Variants in BNC2 observed in about 807,000 individuals in gnomAD.
BNC2 encodes the protein zinc finger protein basonuclin-2.
A neutral mutation model predicts 76.3 loss-of-function variants in BNC2; 20 were observed. That is an observed-to-expected ratio of 0.26 (90% CI 0.18 to 0.38). The LOEUF (loss-of-function observed/expected upper bound fraction) is 0.38. Among genes scored for constraint, BNC2 ranks in the 10% least tolerant of loss-of-function variants. BNC2 has a pLI of 1.00. For synonymous variants in BNC2, 582 were observed against 514.8 expected (o/e 1.13, Z -1.77); for missense variants, 1,382 against 1,399.8 (o/e 0.99, Z 0.20).
chr9:16,682,248 T>C (rs190138120), intron 3 of BNC2, among the ~76,000 whole-genome samples: 19 of 131,374 alleles, frequency 1.4e-4, no homozygotes, highest in African/African-American at 5.9e-4. Flanking sequence ...AGTAGGTTTA[T>C]CATGTAATAA....
chr9:16,767,097 A>G (rs1373354439), intron 1 of BNC2, among the ~76,000 whole-genome samples: 1 of 152,240 alleles, frequency 6.6e-6, no homozygotes, highest in Non-Finnish European at 1.5e-5. Context: ...TTCATTCCCA[A>G]AGGAGAATCT....
At position 16,583,064 on chromosome 9, in the gene BNC2, T is replaced by C; in HGVS notation, c.352A>G (p.Asn118Asp). 1 of 1,614,044 alleles carries C rather than the reference T, an allele frequency of 6.2e-7. No homozygotes were observed. Among genetic ancestry groups the C allele is most frequent in the Non-Finnish European group, 8.5e-7 (1 of 1,179,992 alleles). ...SQQAIRCTLV[N>D]CTCECFQPGK... is the part of the protein sequence containing the mutation. Reference sequence around the variant, plus strand: ...GGCTGAAAACATTCACATGTGCAGTTTACCAGTGTGCAACGGATGGCCTGA... The same window carrying C: ...GGCTGAAAACATTCACATGTGCAGTCTACCAGTGTGCAACGGATGGCCTGA... Residue 118 changes from asparagine to aspartate, a missense_variant, in exon 4 of 7, where the codon AAC becomes GAC. Around this residue, in one of 3 missense-constraint regions of BNC2, gnomAD observed 557 missense variants for 540.9 expected, o/e 1.03. Coordinates refer to ENST00000380672, the MANE Select transcript of BNC2 (RefSeq NM_017637.6).
At chr9:16,829,350 T>C (rs1356192139) in intron 1 of BNC2, among the ~76,000 whole-genome samples, 2 of 152,212 alleles carry the variant, frequency 1.3e-5, no homozygotes, top group African/African-American at 4.8e-5. Context: ...TGAATGGTTT[T>C]GCTTTTTTGT....
At chr9:16,540,116 T>C (rs1323160681) in intron 5 of BNC2, among the ~76,000 whole-genome samples, 1 of 151,796 alleles carries the variant, frequency 6.6e-6, no homozygotes, top group Non-Finnish European at 1.5e-5. Context: ...CAATTTTCTT[T>C]CTGTATCTGA....
chr9:16,708,320 A>C (rs1823737558), intron 3 of BNC2, among the ~76,000 whole-genome samples: 1 of 152,222 alleles, frequency 6.6e-6, no homozygotes, highest in Admixed American at 6.5e-5. Flanking sequence ...AATTTCTAGA[A>C]AGCAAAATAG....
chr9:16,664,976 G>A (rs929414441), intron 3 of BNC2: 19 of 447,114 alleles, frequency 4.2e-5, no homozygotes, highest in African/African-American at 3.4e-4. Flanking sequence ...TTAGCACAAT[G>A]CTTCATGGCA....
intron 3 of BNC2, among the ~76,000 whole-genome samples, chr9:16,657,711 T>C (rs947728345): frequency 4.7e-5 from 7 of 149,674 alleles, no homozygotes; most frequent in Non-Finnish European, 1.0e-4. Context: ...ATCCATATAA[T>C]GGAATAATGT....
chr9:16,557,638 C>G lies in BNC2; in HGVS notation c.434-4873G>C, dbSNP rs554103819. 4.6e-5 allele frequency among the ~76,000 whole-genome samples: 7 copies of G among 152,056 alleles called. No homozygotes were observed. The East Asian group carries it at 1.4e-3, about 30-fold the overall frequency. On this transcript the variant is annotated intron_variant, in intron 4 of 6. Transcript: ENST00000380672. ...GAGAACATCCAATCAGGTATTACTC[C>G]CTTTTTCTCTTCAACTTGCTTAAGT...
chr9:16,853,334 A>T lies in BNC2; in HGVS notation c.3+17312T>A, dbSNP rs1819172673. ...GGTGGAGGATCACCTGAGCCCAGGG[A>T]GGTCGAGGCTGCAGTGAGCCATGAT... On this transcript the variant is annotated intron_variant, in intron 1 of 6. Transcript: ENST00000380672. 3.3e-5 allele frequency among the ~76,000 whole-genome samples: 5 copies of T among 149,648 alleles called. No individual in the cohort carries two copies. In the South Asian group the frequency reaches 1.1e-3, roughly 32 times the overall value.
chr9:16,844,600 C>T (rs1354794043), intron 1 of BNC2, among the ~76,000 whole-genome samples: 11 of 149,480 alleles, frequency 7.4e-5, no homozygotes, highest in South Asian at 2.1e-4. Flanking sequence ...CAGGTTCAAG[C>T]GATTCTTCCT....
chr9:16,584,246 A>T (rs575393146), intron 3 of BNC2, among the ~76,000 whole-genome samples: 1 of 152,284 alleles, frequency 6.6e-6, no homozygotes, highest in Non-Finnish European at 1.5e-5. Flanking sequence ...CCTGAAAGCC[A>T]TGCTCACTCA....
At chr9:16,799,702 T>C (rs10962606) in intron 1 of BNC2, among the ~76,000 whole-genome samples, 33,384 of 152,004 alleles carry the variant, frequency 0.22, 5,558 homozygotes, top group East Asian at 0.74. Context: ...ACATAAAAAA[T>C]GCATGAAAAT....
At position 16,767,228 on chromosome 9, in the gene BNC2, T is replaced by G. The variant is rs113096217; in HGVS notation, c.4-28743A>C. ...AGCAACCAGTCAATTAAATCTCAAG[T>G]ATTCATCAAGTGCCCAACACTCAGT... On this transcript the variant is annotated intron_variant, in intron 1 of 6. Transcript: ENST00000380672. Among the ~76,000 whole-genome samples the G allele has an allele frequency of 4.4e-3, 667 of 152,258 alleles. 5 individuals carry two copies. The highest frequency in any genetic ancestry group is 0.015 in the African/African-American group (626 of 41,564).
intron 5 of BNC2, among the ~76,000 whole-genome samples, chr9:16,468,199 C>T (rs2131332340): frequency 6.6e-6 from 1 of 151,890 alleles, no homozygotes; most frequent in Non-Finnish European, 1.5e-5. Context: ...AGCCACCATG[C>T]CTGGCCCTAC....
chr9:16,685,628 C>T (rs1563898081), intron 3 of BNC2: 2 of 1,304,180 alleles, frequency 1.5e-6, no homozygotes, highest in East Asian at 5.5e-5. Flanking sequence ...GCCAATGGAA[C>T]CTGAGGGAAT....
intron 3 of BNC2, among the ~76,000 whole-genome samples, chr9:16,615,341 C>A (rs1820668640): frequency 2.0e-5 from 3 of 152,084 alleles, no homozygotes; most frequent in Admixed American, 1.3e-4. Context: ...AAATATGGCA[C>A]CTTGACATAC....
intron 4 of BNC2, among the ~76,000 whole-genome samples, chr9:16,563,909 A>C (rs943744): frequency 6.6e-6 from 1 of 152,114 alleles, no homozygotes; most frequent in Non-Finnish European, 1.5e-5. Flanking sequence ...TGTTAAAATT[A>C]GTAATATTTA....
intron 5 of BNC2, among the ~76,000 whole-genome samples, chr9:16,521,460 G>A (rs542901107): frequency 2.6e-5 from 4 of 152,276 alleles, no homozygotes; most frequent in East Asian, 1.9e-4. Context: ...GGCAGTATTC[G>A]TCATATACTG....
chr9:16,825,819 T>C (rs1818441323), intron 1 of BNC2, among the ~76,000 whole-genome samples: 1 of 152,174 alleles, frequency 6.6e-6, no homozygotes, highest in South Asian at 2.1e-4. Flanking sequence ...GTTCATTAAA[T>C]TGTGAAAATA....
Sources: allele counts gnomAD v4.1 joint callset (sites outside exome capture counted in the v4.1 genomes callset), GRCh38; gene constraint gnomAD v4.1.1; regional missense constraint gnomAD v4.1.1; transcripts MANE v1.5; gene names NCBI Gene and HGNC (gene_info 2026-07-23, HGNC 2026-07-21).